FUT8: variants seen among roughly 807,000 people sequenced by gnomAD.
The protein encoded by FUT8 is fucosyltransferase 8.
Under a neutral mutation model 71.3 loss-of-function variants are expected in FUT8, and 29 were observed. That is an observed-to-expected ratio of 0.41 (90% CI 0.30 to 0.55). The LOEUF (loss-of-function observed/expected upper bound fraction) is 0.55. Among genes scored for constraint, FUT8 ranks in the 20% least tolerant of loss-of-function variants. The probability of loss-of-function intolerance (pLI) is 0.34; values close to 1 mark genes in which losing one functional copy is unlikely to be tolerated. For synonymous variants in FUT8, 254 were observed against 239.3 expected, an observed-to-expected ratio of 1.06 and a Z score of -0.57; for missense variants, 544 against 702.1, an observed-to-expected ratio of 0.77 and a Z score of 2.55.
At chr14:65,513,373 G>C (rs1461022815) in intron 2 of FUT8, among the ~76,000 whole-genome samples, 1 of 152,086 alleles carries the variant, frequency 6.6e-6, no homozygotes, top group Non-Finnish European at 1.5e-5. Context: ...AGCTAATTGT[G>C]GGAAATAGAG....
chr14:65,509,238 C>T (rs1047167821), intron 2 of FUT8, among the ~76,000 whole-genome samples: 10 of 151,634 alleles, frequency 6.6e-5, no homozygotes, highest in East Asian at 1.9e-4. Flanking sequence ...TCACTGTAGG[C>T]GTGTGGATTT....
chr14:65,485,807 A>AG (rs1182467416), intron 2 of FUT8, among the ~76,000 whole-genome samples: 4 of 152,130 alleles, frequency 2.6e-5, no homozygotes, highest in African/African-American at 9.7e-5. Context: ...CCACGCACCT[A>AG]GCTCCCCTTG....
chr14:65,646,498 C>G lies in FUT8; in HGVS notation c.597+16892C>G, dbSNP rs142730020. 3 of 152,306 alleles carry G rather than the reference C, an allele frequency of 2.0e-5. No homozygotes were observed. The East Asian group carries it at 5.8e-4, about 29-fold the overall frequency. 9.4% of individuals were successfully genotyped at this position (152,306 alleles called of 1,614,324 possible). On this transcript the variant is annotated intron_variant, in intron 6 of 10. Transcript: ENST00000673929. The stretch of plus-strand genomic sequence containing the variant: ...AAAAAGTGCTAACCTCTGACTAGGA[C>G]TCACTTTCCATCTCTCCTTAGAGCC...
At chr14:65,436,956 A>C (rs543201642) in intron 1 of FUT8, among the ~76,000 whole-genome samples, 2 of 152,240 alleles carry the variant, frequency 1.3e-5, no homozygotes, top group Non-Finnish European at 2.9e-5. Context: ...AATGCCCTAC[A>C]GGCAGTATGT....
intron 7 of FUT8, among the ~76,000 whole-genome samples, chr14:65,718,301 A>G (rs1000505828): frequency 1.3e-5 from 2 of 152,200 alleles, no homozygotes; most frequent in African/African-American, 4.8e-5. Flanking sequence ...TTTTAAACTG[A>G]TGACAATTTG....
chr14:65,463,097 T>C (rs2065991331), intron 2 of FUT8, among the ~76,000 whole-genome samples: 1 of 152,202 alleles, frequency 6.6e-6, no homozygotes, highest in Non-Finnish European at 1.5e-5. Context: ...TACATTAGAA[T>C]ATAGAATTAG....
intron 9 of FUT8, among the ~76,000 whole-genome samples, chr14:65,731,777 G>A (rs1895992868): frequency 6.6e-6 from 1 of 152,150 alleles, no homozygotes; most frequent in African/African-American, 2.4e-5. Flanking sequence ...TTATAGGGAT[G>A]AGCCACCGCA....
At chr14:65,646,581 A>T (rs912147070) in intron 6 of FUT8, 10 of 149,426 alleles carry the variant, frequency 6.7e-5, no homozygotes, top group African/African-American at 2.4e-4. Context: ...TTGTTTACTA[A>T]CTGCCAAGAA....
chr14:65,397,709 C>T, the FUT8 span, among the ~76,000 whole-genome samples: 1 of 152,256 alleles, frequency 6.6e-6, no homozygotes, highest in East Asian at 1.9e-4. This position sits in a 1 kb window ranked among gnomAD's most constrained non-coding sequence, Gnocchi z 4.2. Context: ...AGGCTCCAGC[C>T]ACCTGTGATC....
chr14:65,706,309 A>G (rs1001184448), intron 7 of FUT8, among the ~76,000 whole-genome samples: 3 of 152,188 alleles, frequency 2.0e-5, no homozygotes, highest in Non-Finnish European at 2.9e-5. Flanking sequence ...ACTACATGCT[A>G]CAGTCAAAGA....
chr14:65,562,625 C>G (rs565884411), intron 3 of FUT8, among the ~76,000 whole-genome samples: 1 of 152,166 alleles, frequency 6.6e-6, no homozygotes, highest in East Asian at 1.9e-4. Context: ...CTCACTCTCT[C>G]AAACTAGAGA....
At chr14:65,381,153 C>A in the FUT8 span, among the ~76,000 whole-genome samples, 1 of 152,182 alleles carries the variant, frequency 6.6e-6, no homozygotes, top group African/African-American at 2.4e-5. Flanking sequence ...TAACTTGGAC[C>A]ATTTAACACT....
chr14:65,476,041 G>A (rs970552077), intron 2 of FUT8, among the ~76,000 whole-genome samples: 12 of 152,106 alleles, frequency 7.9e-5, no homozygotes, highest in African/African-American at 2.4e-4. Context: ...AATACTTGTA[G>A]GCCTGCACAG....
At chr14:65,518,625 A>G (rs1882867501) in intron 2 of FUT8, among the ~76,000 whole-genome samples, 1 of 152,108 alleles carries the variant, frequency 6.6e-6, no homozygotes, top group South Asian at 2.1e-4. Flanking sequence ...CCTGGGTTCA[A>G]GTGAATCTCG....
intron 2 of FUT8, among the ~76,000 whole-genome samples, chr14:65,503,326 T>C (rs1023749244): frequency 6.6e-6 from 1 of 152,200 alleles, no homozygotes; most frequent in Non-Finnish European, 1.5e-5. Context: ...TAACTTGCTT[T>C]CATTAAAGCC....
chr14:65,385,855 AT>A, the FUT8 span, among the ~76,000 whole-genome samples: 1 of 151,678 alleles, frequency 6.6e-6, no homozygotes, highest in Non-Finnish European at 1.5e-5. Context: ...TATATTTCGC[AT>A]TTTAAGAAGT....
rs1001286768 is a variant in FUT8 at position 65,505,306 on chromosome 14, G to GTTTTTT, written c.-228+49607_-228+49612dup. ...AAACTATGTCAAGTACTACATTTCAGTTTTTTTTTTTTTTTTTTTTTTTTG... is the reference window on the plus strand; with the variant it reads ...AAACTATGTCAAGTACTACATTTCAGTTTTTTTTTTTTTTTTTTTTTTTTTTTTTTG... On this transcript the variant is annotated intron_variant, in intron 2 of 10. Transcript: ENST00000673929. Among the ~76,000 whole-genome samples the GTTTTTT allele has an allele frequency of 3.1e-4, 30 of 95,770 alleles. 2 individuals are homozygous for GTTTTTT. Among genetic ancestry groups the GTTTTTT allele is most frequent in the African/African-American group, 3.9e-4 (9 of 22,856 alleles). 62.8% of individuals were successfully genotyped at this position (95,770 alleles called of 152,430 possible).
At chr14:65,648,217 G>GTC (rs559549154) in intron 6 of FUT8, among the ~76,000 whole-genome samples, 54 of 152,310 alleles carry the variant, frequency 3.5e-4, no homozygotes, top group Middle Eastern at 6.8e-3. Flanking sequence ...GATATTTACT[G>GTC]TCTCCTCCTT....
intron 2 of FUT8, among the ~76,000 whole-genome samples, chr14:65,457,741 C>T (rs925379117): frequency 1.3e-4 from 20 of 152,164 alleles, no homozygotes; most frequent in Non-Finnish European, 2.6e-4. Flanking sequence ...TTTCACAATA[C>T]AGTGCCTGAA....
Sources: gnomAD v4.1 joint callset for allele counts (sites outside exome capture counted in the v4.1 genomes callset) on GRCh38, gnomAD v4.1.1 for gene constraint, Gnocchi (gnomAD v3.1) non-coding constraint, MANE v1.5 for transcripts, NCBI Gene and HGNC (gene_info 2026-07-23, HGNC 2026-07-21) for gene names.